Variants in WWOX observed in about 807,000 individuals in gnomAD.
The protein encoded by WWOX is WW domain containing oxidoreductase, also known as WW domain-containing oxidoreductase.
Under a neutral mutation model 46.2 loss-of-function variants are expected in WWOX, and 69 were observed. That is an observed-to-expected ratio of 1.49 (90% CI 1.23 to 1.82). WWOX has a LOEUF of 1.82. WWOX is among the 40% of genes most tolerant of loss of function. WWOX has a pLI of 0.00. For missense variants in WWOX, 919 were observed against 542.6 expected (o/e 1.69, Z -6.89); for synonymous variants, 359 against 202.6 (o/e 1.77, Z -6.56).
chr16:79,013,654 G>A (rs767558004), intron 8 of WWOX, among the ~76,000 whole-genome samples: 6 of 152,068 alleles, frequency 3.9e-5, no homozygotes, highest in Non-Finnish European at 8.8e-5. Flanking sequence ...CTCGGAGGTC[G>A]GTTTGCATCA....
At chr16:78,288,986 C>T (rs183133029) in intron 5 of WWOX, among the ~76,000 whole-genome samples, 2 of 152,142 alleles carry the variant, frequency 1.3e-5, no homozygotes, top group South Asian at 2.1e-4. Flanking sequence ...AAAACTAACA[C>T]GCAGTGGGAA....
chr16:78,548,246 C>G (rs1317109939), intron 8 of WWOX, among the ~76,000 whole-genome samples: 1 of 150,584 alleles, frequency 6.6e-6, no homozygotes, highest in South Asian at 2.1e-4. Context: ...TGAGCTAAGA[C>G]TCTGCTGTTG....
chr16:78,329,307 G>A (rs2045227074), intron 5 of WWOX, among the ~76,000 whole-genome samples: 2 of 152,142 alleles, frequency 1.3e-5, no homozygotes, highest in Admixed American at 6.5e-5. Context: ...CTCCTCTGTG[G>A]GCATTTGGGG....
intron 8 of WWOX, among the ~76,000 whole-genome samples, chr16:78,584,141 C>A (rs74029574): frequency 6.6e-6 from 1 of 152,226 alleles, no homozygotes; most frequent in African/African-American, 2.4e-5. Context: ...TCTAGGACCA[C>A]GTCTGTCTTG....
At chr16:79,134,567 T>C (rs567635985) in intron 8 of WWOX, among the ~76,000 whole-genome samples, 9 of 152,274 alleles carry the variant, frequency 5.9e-5, no homozygotes, top group East Asian at 1.9e-4. Context: ...TGCTTACTTA[T>C]TAGAACTCCA....
chr16:79,082,885 T>A (rs1375871522), intron 8 of WWOX, among the ~76,000 whole-genome samples: 1 of 152,192 alleles, frequency 6.6e-6, no homozygotes, highest in Non-Finnish European at 1.5e-5. Flanking sequence ...CCGTGGCAGA[T>A]GTGCATAATA....
At chr16:78,662,340 G>T (rs998832379) in intron 8 of WWOX, among the ~76,000 whole-genome samples, 2 of 152,188 alleles carry the variant, frequency 1.3e-5, no homozygotes, top group African/African-American at 2.4e-5. Context: ...GCATATACAG[G>T]ACTGGAAAAT....
chr16:78,507,288 G>C (rs1459889084), intron 8 of WWOX, among the ~76,000 whole-genome samples: 1 of 152,150 alleles, frequency 6.6e-6, no homozygotes, highest in African/African-American at 2.4e-5. Flanking sequence ...CCATAGATTG[G>C]ACTTCACATT....
intron 8 of WWOX, among the ~76,000 whole-genome samples, chr16:78,460,638 C>T (rs1014114988): frequency 6.6e-6 from 1 of 152,188 alleles, no homozygotes; most frequent in African/African-American, 2.4e-5. Context: ...ACTGATGTGG[C>T]CTGTGGCAGA....
At chr16:78,101,086 C>T (rs1421136748) in intron 1 of WWOX, among the ~76,000 whole-genome samples, 36 of 151,270 alleles carry the variant, frequency 2.4e-4, no homozygotes, top group Admixed American at 2.2e-3. Context: ...CTTGCTCTGT[C>T]GCCCAGGCTG....
At chr16:78,441,134 G>A (rs2083436281) in intron 8 of WWOX, among the ~76,000 whole-genome samples, 1 of 151,858 alleles carries the variant, frequency 6.6e-6, no homozygotes, top group Admixed American at 6.6e-5. Flanking sequence ...GTAGAGACGG[G>A]ATTTCAACAT....
rs925831020 is a variant in WWOX at position 78,757,128 on chromosome 16, C to G, written c.1056+324376C>G. 6.2e-6 allele frequency: 4 copies of G among 646,060 alleles called. No individual in the cohort carries two copies. In the Admixed American group the frequency reaches 7.5e-5, roughly 12 times the overall value. 40.0% of individuals were successfully genotyped at this position (646,060 alleles called of 1,614,324 possible). The stretch of plus-strand genomic sequence containing the variant: ...TTATTTGAGCCCCTATCTAGAACCA[C>G]CGAGCTAAGCTGCTCACAAGTTTCT... On this transcript the variant is annotated intron_variant, in intron 8 of 8. Transcript: ENST00000566780.
chr16:78,600,878 A>T (rs963996069), intron 8 of WWOX, among the ~76,000 whole-genome samples: 2 of 152,156 alleles, frequency 1.3e-5, no homozygotes, highest in Non-Finnish European at 2.9e-5. Context: ...GCCTATCGTG[A>T]CAGGGAGAAG....
intron 8 of WWOX, among the ~76,000 whole-genome samples, chr16:78,956,415 C>T (rs1255595484): frequency 6.6e-6 from 1 of 151,892 alleles, no homozygotes; most frequent in Non-Finnish European, 1.5e-5. Context: ...TCGGCCTCCC[C>T]AAGTGCTGGG....
intron 5 of WWOX, among the ~76,000 whole-genome samples, chr16:78,179,094 A>G (rs2035446059): frequency 6.6e-6 from 1 of 152,182 alleles, no homozygotes; most frequent in African/African-American, 2.4e-5. Context: ...ACTTGCCAAC[A>G]TAGACATTTT....
intron 5 of WWOX, among the ~76,000 whole-genome samples, chr16:78,320,973 C>G (rs919645330): frequency 1.3e-5 from 2 of 152,104 alleles, no homozygotes; most frequent in African/African-American, 2.4e-5. Context: ...CAATTAGAGT[C>G]TGCATTGTTT....
At chr16:78,980,248 T>C (rs1256877261) in intron 8 of WWOX, among the ~76,000 whole-genome samples, 2 of 152,228 alleles carry the variant, frequency 1.3e-5, no homozygotes, top group African/African-American at 2.4e-5. Context: ...TGCTGTGAAG[T>C]TGGCTGTGTG....
intron 8 of WWOX, chr16:79,004,013 C>T (rs771757806): frequency 1.3e-5 from 2 of 152,278 alleles, no homozygotes; most frequent in Non-Finnish European, 2.9e-5. Flanking sequence ...TCTCATCCTT[C>T]AGGTCTACTG....
chr16:78,830,558 C>T (rs1014767593), intron 8 of WWOX, among the ~76,000 whole-genome samples: 1 of 152,008 alleles, frequency 6.6e-6, no homozygotes, highest in Admixed American at 6.5e-5. Flanking sequence ...TTCCCAGCAT[C>T]TTCTTTCACC....
Sources: gnomAD v4.1 joint callset for allele counts (sites outside exome capture counted in the v4.1 genomes callset) on GRCh38, gnomAD v4.1.1 for gene constraint, MANE v1.5 for transcripts, NCBI Gene and HGNC (gene_info 2026-07-23, HGNC 2026-07-21) for gene names.